Variants in CADM2 observed in about 807,000 individuals in gnomAD.
The protein encoded by CADM2 is cell adhesion molecule 2.
In CADM2, 12 loss-of-function variants were observed where a neutral mutation model predicts 49.8. The observed-to-expected ratio is 0.24, with a 90% CI of 0.15 to 0.39. The LOEUF (loss-of-function observed/expected upper bound fraction) is 0.39, where lower values mean the gene tolerates loss of function less well. Ranked by LOEUF, CADM2 falls within the 10% of genes least tolerant of loss-of-function variation. CADM2 has a pLI of 1.00. For synonymous variants in CADM2, 214 were observed against 175.4 expected, an observed-to-expected ratio of 1.22 and a Z score of -1.74; for missense variants, 378 against 492.3, an observed-to-expected ratio of 0.77 and a Z score of 2.20.
intron 5 of CADM2, among the ~76,000 whole-genome samples, chr3:85,903,003 A>G (rs369250910): frequency 6.6e-6 from 1 of 152,184 alleles, no homozygotes. Context: ...TACATAAAAC[A>G]TATTATATGT....
In CADM2 at chr3:85,034,790, C is replaced by CTTTTTTTTTTTTTTTTTTTTTT. The variant is rs1179967499; in HGVS notation, c.61+75125_61+75146dup. On this transcript the variant is annotated intron_variant, in intron 1 of 9. Coordinates refer to ENST00000383699, the MANE Select transcript of CADM2 (RefSeq NM_001167675.2). ...TATCTTTTAGATAAAAGACATTTTGCTTTTTTTTTTTTTTTTTTTTTTTTA... is the reference window on the plus strand; with the variant it reads ...TATCTTTTAGATAAAAGACATTTTGCTTTTTTTTTTTTTTTTTTTTTTTTTTTTTTTTTTTTTTTTTTTTTTA... Among the ~76,000 whole-genome samples the CTTTTTTTTTTTTTTTTTTTTTT allele has an allele frequency of 7.5e-4, 63 of 84,052 alleles. 9 individuals are homozygous for CTTTTTTTTTTTTTTTTTTTTTT. The highest frequency in any genetic ancestry group is 2.2e-3 in the African/African-American group (41 of 18,496). The allele number at this position is 84,052 out of a possible 152,430, so 55.1% of individuals were successfully genotyped here. A position where few individuals can be genotyped will look rare whatever the true frequency, so the allele number is the denominator to read the frequency against.
At chr3:85,830,352 A>G (rs1397235906) in intron 3 of CADM2, among the ~76,000 whole-genome samples, 1 of 151,930 alleles carries the variant, frequency 6.6e-6, no homozygotes, top group Non-Finnish European at 1.5e-5. Context: ...TCCTTTGCCC[A>G]CTGTTTAAGA....
intron 1 of CADM2, among the ~76,000 whole-genome samples, chr3:85,492,923 A>G (rs954044799): frequency 5.9e-5 from 9 of 152,132 alleles, no homozygotes; most frequent in Non-Finnish European, 1.0e-4. Context: ...GCCTGGTACT[A>G]GACTGTTTAT....
chr3:85,291,318 T>A (rs1020181324), intron 1 of CADM2, among the ~76,000 whole-genome samples: 2 of 151,720 alleles, frequency 1.3e-5, no homozygotes, highest in African/African-American at 4.9e-5. Context: ...CTGATTGGTG[T>A]ACCTGAAAGT....
chr3:85,344,200 C>G (rs2030285444), intron 1 of CADM2, among the ~76,000 whole-genome samples: 3 of 151,224 alleles, frequency 2.0e-5, no homozygotes, highest in African/African-American at 7.3e-5. Flanking sequence ...ACGGTGAAAC[C>G]CCATCTCTAC....
At position 85,739,452 on chromosome 3, in the gene CADM2, T is replaced by C. The variant is rs529983114; in HGVS notation, c.88+12904T>C. On this transcript the variant is annotated intron_variant, in intron 2 of 9. Coordinates refer to ENST00000383699, the MANE Select transcript of CADM2 (RefSeq NM_001167675.2). The stretch of plus-strand genomic sequence containing the variant: ...CTGTTTTCTTTTAAAATTATATAAC[T>C]GCCTTAGCTCTATTGATATTTGTAA... Among the ~76,000 whole-genome samples, 3 of 152,232 alleles carry C rather than the reference T, an allele frequency of 2.0e-5. No individual in the cohort carries two copies. In the East Asian group the frequency reaches 5.8e-4, roughly 29 times the overall value.
chr3:85,242,334 A>G (rs192578330), intron 1 of CADM2, among the ~76,000 whole-genome samples: 1 of 151,358 alleles, frequency 6.6e-6, no homozygotes, highest in Non-Finnish European at 1.5e-5. Flanking sequence ...GTGAAAAAAA[A>G]CAGTATTACC....
intron 1 of CADM2, among the ~76,000 whole-genome samples, chr3:85,331,978 G>C (rs2107153987): frequency 6.6e-6 from 1 of 152,136 alleles, no homozygotes; most frequent in Non-Finnish European, 1.5e-5. Flanking sequence ...CAGTACAAAA[G>C]GTCAACACCT....
chr3:85,347,962 T>C (rs1366110664), intron 1 of CADM2, among the ~76,000 whole-genome samples: 4 of 151,884 alleles, frequency 2.6e-5, no homozygotes, highest in Admixed American at 6.6e-5. Flanking sequence ...CGCCCACCAC[T>C]GCGCCTGGCT....
At chr3:85,563,748 C>T (rs901854870) in intron 1 of CADM2, among the ~76,000 whole-genome samples, 12 of 152,108 alleles carry the variant, frequency 7.9e-5, no homozygotes, top group Admixed American at 7.9e-4. Flanking sequence ...ACGGTGATGA[C>T]TAGCAACCGA....
intron 2 of CADM2, among the ~76,000 whole-genome samples, chr3:85,793,328 T>C (rs533193161): frequency 6.6e-6 from 1 of 152,112 alleles, no homozygotes; most frequent in South Asian, 2.1e-4. Flanking sequence ...AGAACTAAAC[T>C]TGGCAGCCAA....
At chr3:85,495,337 G>T (rs2039843334) in intron 1 of CADM2, among the ~76,000 whole-genome samples, 1 of 152,044 alleles carries the variant, frequency 6.6e-6, no homozygotes, top group Non-Finnish European at 1.5e-5. Context: ...AATAACAGAT[G>T]AACCCCTAAA....
chr3:85,605,231 A>G (rs1404203557), intron 1 of CADM2, among the ~76,000 whole-genome samples: 2 of 152,100 alleles, frequency 1.3e-5, no homozygotes, highest in East Asian at 3.9e-4. Context: ...AAAGTGCATA[A>G]CAAAAGTACA....
In CADM2 at chr3:85,013,881, T is replaced by A. The variant is rs1188522527; in HGVS notation, c.61+54213T>A. ...CAATATTAATATTAATTATAATTAA[T>A]TAATATTAATATATTATTGTACTGT... On this transcript the variant is annotated intron_variant, in intron 1 of 9. Transcript: ENST00000383699. Among the ~76,000 whole-genome samples, 6 of 147,378 alleles carry A rather than the reference T, an allele frequency of 4.1e-5. No individual in the cohort carries two copies. The East Asian group carries it at 1.2e-3, about 29-fold the overall frequency.
intron 1 of CADM2, among the ~76,000 whole-genome samples, chr3:85,198,407 T>TC (rs1208919979): frequency 1.3e-5 from 2 of 151,684 alleles, no homozygotes; most frequent in Non-Finnish European, 3.0e-5. Context: ...TTTTTTTTTT[T>TC]CACTGTTTAC....
At chr3:85,468,233 G>A (rs566778435) in intron 1 of CADM2, among the ~76,000 whole-genome samples, 9 of 142,480 alleles carry the variant, frequency 6.3e-5, no homozygotes, top group Admixed American at 1.4e-4. Flanking sequence ...ACTGTCTGTT[G>A]TTTGCATGTT....
chr3:85,563,977 A>G (rs2062177224), intron 1 of CADM2, among the ~76,000 whole-genome samples: 1 of 152,084 alleles, frequency 6.6e-6, no homozygotes, highest in Non-Finnish European at 1.5e-5. Flanking sequence ...TTTTAACAAC[A>G]TCCTTTCCTG....
intron 1 of CADM2, among the ~76,000 whole-genome samples, chr3:85,438,054 T>C (rs1576553217): frequency 6.6e-6 from 1 of 152,090 alleles, no homozygotes; most frequent in Non-Finnish European, 1.5e-5. Context: ...TTTATTGCTT[T>C]CAGTACTTTC....
intron 1 of CADM2, among the ~76,000 whole-genome samples, chr3:85,146,131 C>T (rs2107636974): frequency 6.6e-6 from 1 of 152,270 alleles, no homozygotes; most frequent in Admixed American, 6.5e-5. Flanking sequence ...GAGTTAATAT[C>T]TGTAAACATT....
Sources: gnomAD v4.1 joint callset for allele counts (sites outside exome capture counted in the v4.1 genomes callset) on GRCh38, gnomAD v4.1.1 for gene constraint, MANE v1.5 for transcripts, NCBI Gene and HGNC (gene_info 2026-07-23, HGNC 2026-07-21) for gene names.